The following SND1 variants were observed in gnomAD, a reference collection of about 807,000 sequenced individuals.
SND1 encodes staphylococcal nuclease and tudor domain containing 1.
A neutral mutation model predicts 121.7 loss-of-function variants in SND1; 38 were observed. The ratio of observed to expected loss-of-function variants is 0.31; its 90% confidence interval spans 0.24 to 0.41. The LOEUF is 0.41. Ranked by LOEUF, SND1 falls within the 10% of genes least tolerant of loss-of-function variation. SND1 has a pLI of 1.00. For missense variants in SND1, 868 were observed against 1,184.6 expected (o/e 0.73, Z 3.92); for synonymous variants, 401 against 447.4 (o/e 0.90, Z 1.31).
chr7:127,663,051 C>A (rs1373073561), intron 1 of SND1, among the ~76,000 whole-genome samples: 1 of 151,654 alleles, frequency 6.6e-6, no homozygotes, highest in Non-Finnish European at 1.5e-5. Flanking sequence ...CCACCACACC[C>A]GGCTAATAAA....
intron 12 of SND1, among the ~76,000 whole-genome samples, chr7:127,881,583 TC>T (rs1799790984): frequency 6.6e-6 from 1 of 152,110 alleles, no homozygotes. Flanking sequence ...ATCTTTATTG[TC>T]CCCGTTGAAA....
At chr7:127,889,925 G>T (rs1563049019) in intron 13 of SND1, among the ~76,000 whole-genome samples, 1 of 152,030 alleles carries the variant, frequency 6.6e-6, no homozygotes, top group Non-Finnish European at 1.5e-5. Flanking sequence ...CCGTTCATCT[G>T]TTGATGGACA....
intron 15 of SND1, among the ~76,000 whole-genome samples, chr7:127,968,713 C>A (rs745748407): frequency 1.3e-5 from 2 of 152,132 alleles, no homozygotes; most frequent in Non-Finnish European, 2.9e-5. Flanking sequence ...TTCACAAAGC[C>A]AGTTCCTTTT....
At chr7:128,026,229 C>A (rs1563092518) in intron 16 of SND1, among the ~76,000 whole-genome samples, 1 of 152,224 alleles carries the variant, frequency 6.6e-6, no homozygotes, top group Non-Finnish European at 1.5e-5. Context: ...AGTTTTCTTT[C>A]TTTTTATTGG....
intron 12 of SND1, among the ~76,000 whole-genome samples, chr7:127,876,565 GT>G (rs1229728576): frequency 6.6e-6 from 1 of 152,128 alleles, no homozygotes; most frequent in Non-Finnish European, 1.5e-5. Flanking sequence ...ATCTAGGGAA[GT>G]GAGTTTTATT....
intron 16 of SND1, among the ~76,000 whole-genome samples, chr7:128,042,976 T>C (rs1459029555): frequency 1.3e-5 from 2 of 152,212 alleles, no homozygotes; most frequent in African/African-American, 4.8e-5. Context: ...TACTCTTTTC[T>C]GTGAAGGAAA....
intron 10 of SND1, among the ~76,000 whole-genome samples, chr7:127,774,340 A>G (rs1228345189): frequency 6.6e-6 from 1 of 152,230 alleles, no homozygotes; most frequent in Non-Finnish European, 1.5e-5. Flanking sequence ...TATAAAGTAA[A>G]AAAGTTATAG....
intron 14 of SND1, among the ~76,000 whole-genome samples, chr7:127,922,295 G>A (rs574092964): frequency 3.5e-5 from 5 of 142,954 alleles, no homozygotes; most frequent in Non-Finnish European, 7.5e-5. Flanking sequence ...AACATTACAG[G>A]CATGAGGCCA....
intron 12 of SND1, among the ~76,000 whole-genome samples, chr7:127,852,450 T>G (rs921561472): frequency 1.4e-5 from 2 of 146,678 alleles, no homozygotes; most frequent in Non-Finnish European, 3.0e-5. Flanking sequence ...ATCGCACCAC[T>G]GTACTCCATC....
intron 1 of SND1, among the ~76,000 whole-genome samples, chr7:127,654,702 A>G (rs1002291010): frequency 2.6e-5 from 4 of 152,202 alleles, no homozygotes; most frequent in Admixed American, 6.5e-5. Context: ...TATACAATTC[A>G]GTGATTTGAG....
intron 10 of SND1, among the ~76,000 whole-genome samples, chr7:127,792,565 C>T (rs1374208721): frequency 1.3e-5 from 2 of 152,092 alleles, no homozygotes; most frequent in African/African-American, 4.8e-5. Flanking sequence ...CAGCTCCTAC[C>T]CTCTAAGGTT....
intron 16 of SND1, among the ~76,000 whole-genome samples, chr7:128,019,858 G>C (rs1374685525): frequency 6.6e-6 from 1 of 152,214 alleles, no homozygotes; most frequent in African/African-American, 2.4e-5. Context: ...TTTCAGGGTA[G>C]ACCCCTGAGT....
chr7:127,842,228 G>A (rs1798977932), intron 11 of SND1, among the ~76,000 whole-genome samples: 2 of 152,158 alleles, frequency 1.3e-5, no homozygotes, highest in Admixed American at 6.5e-5. Context: ...ATTTAGAAAA[G>A]GGATTCCAGA....
intron 9 of SND1, among the ~76,000 whole-genome samples, chr7:127,711,717 G>A (rs1796301432): frequency 6.6e-6 from 1 of 151,756 alleles, no homozygotes; most frequent in African/African-American, 2.4e-5. Flanking sequence ...TTGGTTGTTG[G>A]ATTTTGTGGG....
chr7:127,656,310 T>G (rs56173725), intron 1 of SND1, among the ~76,000 whole-genome samples: 67 of 151,822 alleles, frequency 4.4e-4, no homozygotes, highest in Non-Finnish European at 8.1e-4. Context: ...TTTTTCTTTT[T>G]CTTTTCTTTC....
intron 11 of SND1, among the ~76,000 whole-genome samples, chr7:127,833,260 C>CTTT (rs35890438): frequency 2.1e-5 from 2 of 97,280 alleles, no homozygotes; most frequent in East Asian, 2.9e-4. Context: ...ATTGAACTGT[C>CTTT]TTTTTTTTTT....
intron 4 of SND1, among the ~76,000 whole-genome samples, chr7:127,700,315 C>T (rs1046965095): frequency 4.4e-4 from 67 of 152,110 alleles, no homozygotes; most frequent in African/African-American, 1.6e-3. Flanking sequence ...ATTTGGATCC[C>T]TGAGGGTGTG....
chr7:127,945,439 C>T (rs1256275418), intron 15 of SND1, among the ~76,000 whole-genome samples: 2 of 151,720 alleles, frequency 1.3e-5, no homozygotes, highest in East Asian at 1.9e-4. Context: ...TGCAGTGAGC[C>T]GAGATCGCAC....
At chr7:128,013,387 G>C (rs1161243698) in intron 16 of SND1, among the ~76,000 whole-genome samples, 1 of 152,230 alleles carries the variant, frequency 6.6e-6, no homozygotes, top group Non-Finnish European at 1.5e-5. Flanking sequence ...CACTATACTG[G>C]TTCTAAATAA....
Sources: gnomAD v4.1 joint callset for allele counts (sites outside exome capture counted in the v4.1 genomes callset) on GRCh38, gnomAD v4.1.1 for gene constraint, MANE v1.5 for transcripts, NCBI Gene and HGNC (gene_info 2026-07-23, HGNC 2026-07-21) for gene names.